The following PPHLN1 variants were observed in gnomAD, a reference collection of about 807,000 sequenced individuals.
The protein encoded by PPHLN1 is periphilin 1, also known as periphilin-1.
In PPHLN1, 29 loss-of-function variants were observed where a neutral mutation model predicts 51.3. The ratio of observed to expected loss-of-function variants is 0.57; its 90% CI spans 0.42 to 0.77. The LOEUF is 0.77. Ranked by LOEUF, PPHLN1 falls within the 30% of genes least tolerant of loss-of-function variation. PPHLN1 has a pLI of 0.00. For synonymous variants in PPHLN1, 147 were observed against 147.8 expected, an observed-to-expected ratio of 0.99 and a Z score of 0.04; for missense variants, 436 against 438.4, an observed-to-expected ratio of 0.99 and a Z score of 0.05.
At chr12:42,442,735 G>A (rs776698637), downstream of PPHLN1, 2 of 1,613,412 alleles carry the variant, frequency 1.2e-6, no homozygotes, top group South Asian at 1.1e-5. Flanking sequence ...AAGAGACTGC[G>A]CAGTCAGTAA....
chr12:42,425,246 A>ATT (rs34484756), intron 9 of PPHLN1, among the ~76,000 whole-genome samples: 3,466 of 124,760 alleles, frequency 0.028, 103 homozygotes, highest in African/African-American at 0.055. Flanking sequence ...TGCCTGGCTA[A>ATT]TTTTTTTTTT....
At chr12:42,393,111 A>T (rs1204594448) in intron 7 of PPHLN1, among the ~76,000 whole-genome samples, 1 of 152,194 alleles carries the variant, frequency 6.6e-6, no homozygotes, top group Non-Finnish European at 1.5e-5. Context: ...ATTTTGTGTA[A>T]GGAGTAGGAT....
intron 2 of PPHLN1, 74 bp from the exon 3 acceptor site, chr12:42,351,811 T>G: frequency 7.7e-7 from 1 of 1,293,218 alleles, no homozygotes; most frequent in Non-Finnish European, 1.0e-6. Flanking sequence ...AGAACTCCTG[T>G]GCTTTTTAAA....
chr12:42,342,456 T>C (rs746021534), intron 2 of PPHLN1, among the ~76,000 whole-genome samples: 4 of 152,218 alleles, frequency 2.6e-5, no homozygotes, highest in Non-Finnish European at 4.4e-5. Flanking sequence ...CTTCCACTTA[T>C]GGGGTTCCAG....
intron 4 of PPHLN1, among the ~76,000 whole-genome samples, chr12:42,373,577 T>C (rs1334434303): frequency 6.6e-6 from 1 of 152,206 alleles, no homozygotes; most frequent in Non-Finnish European, 1.5e-5. Flanking sequence ...TGTCTGAAAT[T>C]TAGTATTCTT....
intron 7 of PPHLN1, among the ~76,000 whole-genome samples, chr12:42,387,863 C>T (rs563406221): frequency 9.9e-5 from 15 of 152,282 alleles, no homozygotes; most frequent in Non-Finnish European, 8.8e-5. Flanking sequence ...ACCTTGAGCT[C>T]ACAAAAACAT....
At chr12:42,445,281 A>G, downstream of PPHLN1, 2 of 596,254 alleles carry the variant, frequency 3.4e-6, no homozygotes, top group East Asian at 2.8e-5. Context: ...CCAAAATTAG[A>G]GAAACTTAAC....
chr12:42,416,433 A>G (rs1275382026), intron 9 of PPHLN1, among the ~76,000 whole-genome samples: 1 of 152,192 alleles, frequency 6.6e-6, no homozygotes, highest in Non-Finnish European at 1.5e-5. Context: ...CATACACACA[A>G]TTAAAGGGCA....
intron 1 of PPHLN1, among the ~76,000 whole-genome samples, chr12:42,329,244 G>T (rs1287272404): frequency 6.6e-6 from 1 of 151,852 alleles, no homozygotes; most frequent in Non-Finnish European, 1.5e-5. Flanking sequence ...TGGGACTACA[G>T]GCGCCCACCA....
chr12:42,446,061 T>TGCAGGCCCC, downstream of PPHLN1: 27 of 1,549,480 alleles, frequency 1.7e-5, no homozygotes, highest in Non-Finnish European at 2.4e-5. Context: ...GAAACGACCC[T>TGCAGGCCCC]GCAGGCCCCG....
intron 5 of PPHLN1, among the ~76,000 whole-genome samples, chr12:42,379,868 G>A (rs955882730): frequency 1.3e-5 from 2 of 152,018 alleles, no homozygotes; most frequent in African/African-American, 4.8e-5. Context: ...GATGTGTTTT[G>A]TATCAGTTGT....
At chr12:42,350,111 G>A (rs1254000478) in intron 2 of PPHLN1, 2 of 150,532 alleles carry the variant, frequency 1.3e-5, no homozygotes, top group African/African-American at 2.4e-5. Flanking sequence ...CCGGGCGGGG[G>A]CGCCCCCCAC....
intron 2 of PPHLN1, among the ~76,000 whole-genome samples, chr12:42,337,413 A>G (rs908893562): frequency 6.6e-6 from 1 of 151,156 alleles, no homozygotes; most frequent in Non-Finnish European, 1.5e-5. Context: ...CTTCTGTCTC[A>G]GCTTCCTGAG....
chr12:42,393,280 TTATTA>T (rs2077896493), intron 7 of PPHLN1, among the ~76,000 whole-genome samples: 2 of 152,150 alleles, frequency 1.3e-5, no homozygotes, highest in Non-Finnish European at 2.9e-5. Flanking sequence ...CTAAATATAA[TTATTA>T]TATGAGTTAA....
At chr12:42,349,797 G>A (rs1037488584) in intron 2 of PPHLN1, among the ~76,000 whole-genome samples, 7 of 152,138 alleles carry the variant, frequency 4.6e-5, no homozygotes, top group South Asian at 2.1e-4. Flanking sequence ...AGTCTCCTAC[G>A]TCTACTTCTT....
intron 9 of PPHLN1, among the ~76,000 whole-genome samples, chr12:42,405,776 G>A (rs1309471034): frequency 1.3e-5 from 2 of 152,122 alleles, no homozygotes; most frequent in African/African-American, 2.4e-5. Flanking sequence ...GGAAAAGTGA[G>A]CAGTTCAGTG....
Position 42,329,247 on chromosome 12 carries a change from G to T in PPHLN1, c.-21+3018G>T, listed in dbSNP as rs183636830. Among the ~76,000 whole-genome samples, 577 of 151,826 alleles carry T rather than the reference G, an allele frequency of 3.8e-3. 4 individuals carry two copies. Among genetic ancestry groups the T allele is most frequent in the African/African-American group, 0.014 (561 of 41,378 alleles). ...CTTCCGAGTAGCTGGGACTACAGGC[G>T]CCCACCACCGCCCCCGGCTAATTTT... is the stretch of plus-strand genomic sequence containing the variant. On this transcript the variant is annotated intron_variant, in intron 1 of 9. Coordinates refer to ENST00000358314, the MANE Select transcript of PPHLN1 (RefSeq NM_201439.2).
At chr12:42,345,058 C>T (rs764218882) in intron 2 of PPHLN1, among the ~76,000 whole-genome samples, 6 of 152,094 alleles carry the variant, frequency 3.9e-5, no homozygotes, top group Non-Finnish European at 8.8e-5. Flanking sequence ...AAATAACCAT[C>T]AACTTGGTGC....
chr12:42,445,044 C>T, downstream of PPHLN1: 1 of 702,260 alleles, frequency 1.4e-6, no homozygotes, highest in Non-Finnish European at 2.6e-6. Flanking sequence ...TTATTTATTG[C>T]AGAACCTTGA....
Sources: allele counts gnomAD v4.1 joint callset (sites outside exome capture counted in the v4.1 genomes callset), GRCh38; gene constraint gnomAD v4.1.1; transcripts MANE v1.5; gene names NCBI Gene and HGNC (gene_info 2026-07-23, HGNC 2026-07-21).